Variants in NLRP11 observed in about 807,000 individuals in gnomAD.
NLRP11 encodes the protein NACHT, LRR and PYD domains-containing protein 11.
Under a neutral mutation model 79.3 loss-of-function variants are expected in NLRP11, and 53 were observed. The observed-to-expected ratio is 0.67, with a 90% CI of 0.54 to 0.84. The LOEUF (loss-of-function observed/expected upper bound fraction) is 0.84, where lower values mean the gene tolerates loss of function less well. Ranked by LOEUF, NLRP11 falls within the 40% of genes least tolerant of loss-of-function variation. The pLI, the probability that NLRP11 is intolerant of heterozygous loss-of-function variation, is 0.00. For missense variants in NLRP11, 1,264 were observed against 1,255.0 expected, an observed-to-expected ratio of 1.01 and a Z score of -0.11; for synonymous variants, 518 against 462.6, an observed-to-expected ratio of 1.12 and a Z score of -1.54.
intron 1 of NLRP11, among the ~76,000 whole-genome samples, chr19:55,828,595 C>T (rs192360856): frequency 6.6e-6 from 1 of 152,058 alleles, no homozygotes; most frequent in Admixed American, 6.6e-5. Flanking sequence ...TATGGTATCA[C>T]AAATCCACAC....
At chr19:55,827,328 G>A (rs1982329667) in intron 1 of NLRP11, among the ~76,000 whole-genome samples, 1 of 140,386 alleles carries the variant, frequency 7.1e-6, no homozygotes, top group African/African-American at 2.6e-5. Context: ...GAAAACCTAG[G>A]CATGACCATT....
intron 1 of NLRP11, among the ~76,000 whole-genome samples, chr19:55,830,598 T>TAAAAAAAAAAAAAAAAAA (rs201476127): frequency 1.5e-5 from 2 of 129,202 alleles, no homozygotes; most frequent in African/African-American, 3.0e-5. Context: ...CTTAGCTTCC[T>TAAAAAAAAAAAAAAAAAA]AAAAAAAAAA....
rs1415832467 is a variant in NLRP11 at position 55,809,765 on chromosome 19, C to T, written c.845G>A (p.Gly282Glu). The T allele has an allele frequency of 6.2e-7, 1 of 1,614,140 alleles. No individual in the cohort carries two copies. The highest frequency in any genetic ancestry group is 1.3e-5 in the African/African-American group (1 of 75,048). ...TTTCAAGAACGTTTTTACATTATTC[C>T]CACGTGTGGGCCTTGAGGAGATGAG... is the stretch of plus-strand genomic sequence containing the variant. The change falls in exon 3 of 10, where the codon GGG becomes GAG. Residue 282 changes from glycine to glutamate, a missense_variant. By Grantham distance (98) the Gly-to-Glu change is moderately conservative. Transcript: ENST00000589093. This position sits in a 1 kb window ranked among gnomAD's most constrained non-coding sequence, Gnocchi z 4.5.
chr19:55,789,518 G>C, intron 7 of NLRP11, 119 bp from the exon 8 acceptor site: 1 of 877,314 alleles, frequency 1.1e-6, no homozygotes, highest in African/African-American at 1.7e-5. Context: ...ACTGCTTACA[G>C]AAACAAGAGC....
At position 55,818,136 on chromosome 19, in the gene NLRP11, C is replaced by T. The variant is rs1322017678; in HGVS notation, c.39G>A (p.Trp13Ter). The T allele has an allele frequency of 6.2e-7, 1 of 1,613,834 alleles. No homozygotes were observed. The highest frequency in any genetic ancestry group is 1.6e-4 in the Middle Eastern group (1 of 6,082). The change falls in exon 2 of 10, where the codon TGG (tryptophan) becomes TGA (stop). Residue 13 changes from tryptophan to a stop codon, truncating the protein, a stop_gained. Transcript: ENST00000589093. LOFTEE classifies it high-confidence loss of function. ...CCTTGTCACTGAGATTCTCTAGATA[C>T]CACAGCAGGTCAAAGTCAGTAGAAT... is the stretch of plus-strand genomic sequence containing the variant.
At chr19:55,814,938 ATTG>A (rs1349421924) in intron 2 of NLRP11, among the ~76,000 whole-genome samples, 1 of 152,188 alleles carries the variant, frequency 6.6e-6, no homozygotes, top group Non-Finnish European at 1.5e-5. Flanking sequence ...GTCCCCACGG[ATTG>A]TTATTTTACA....
At chr19:55,796,315 A>T in intron 5 of NLRP11, 65 bp from the exon 6 acceptor site, 2 of 781,822 alleles carry the variant, frequency 2.6e-6, no homozygotes, top group Non-Finnish European at 3.5e-6. Flanking sequence ...TTTTAAATTA[A>T]AAAAAAAAAA....
chr19:55,797,643 G>GGCACTGAGCGAAGACTC (rs1314279027), intron 5 of NLRP11, among the ~76,000 whole-genome samples: 1 of 152,222 alleles, frequency 6.6e-6, no homozygotes, highest in Non-Finnish European at 1.5e-5. Flanking sequence ...TTATGGGGCA[G>GGCACTGAGCGAAGACTC]GCACTGAGCG....
chr19:55,819,913 A>G (rs1418345735), intron 1 of NLRP11, among the ~76,000 whole-genome samples: 1 of 152,196 alleles, frequency 6.6e-6, no homozygotes, highest in African/African-American at 2.4e-5. Context: ...TATACCAGGT[A>G]CTATGTTAGA....
Position 55,809,886 on chromosome 19 carries a change from C to G in NLRP11, c.724G>C (p.Glu242Gln). ...GTGCTGTTACTACACAAAGCACTTT[C>G]ATTGACATTTAACTCGAATCTTATG... Residue 242 changes from glutamate (E) to glutamine (Q), a missense_variant, in exon 3 of 10, where the codon GAA becomes CAA. By Grantham distance (29) the Glu-to-Gln change is conservative. Transcript: ENST00000589093. This position sits in a 1 kb window ranked among gnomAD's most constrained non-coding sequence, Gnocchi z 4.5. The G allele has an allele frequency of 6.2e-7, 1 of 1,614,180 alleles. No individual in the cohort carries two copies. The highest frequency in any genetic ancestry group is 2.2e-5 in the East Asian group (1 of 44,876).
rs16986572 is a variant in NLRP11, at chr19:55,786,583, T to C, written c.2856-712A>G. Among the ~76,000 whole-genome samples the C allele has an allele frequency of 0.011, 1,647 of 152,316 alleles. 45 individuals carry two copies. In the East Asian group the frequency reaches 0.11, roughly 10 times the overall value. ...ACACTTACACCGCAGCCCATGCTCA[T>C]GTTTCTTTCTCCAAATCAAAGAGGA... On this transcript the variant is annotated intron_variant, in intron 9 of 9. Coordinates refer to ENST00000589093, the Ensembl canonical transcript of NLRP11.
chr19:55,795,963 G>C, intron 6 of NLRP11, 117 bp downstream of exon 6: 3 of 890,588 alleles, frequency 3.4e-6, no homozygotes, highest in South Asian at 1.7e-5. Context: ...TCCAAAGACT[G>C]TGCTTTCGGC....
chr19:55,822,741 A>G (rs1458143648), intron 1 of NLRP11, among the ~76,000 whole-genome samples: 1 of 152,056 alleles, frequency 6.6e-6, no homozygotes, highest in Non-Finnish European at 1.5e-5. Flanking sequence ...ACTATATCCC[A>G]CACCTGGCTC....
At chr19:55,791,595 C>A (rs17635546) in intron 7 of NLRP11, among the ~76,000 whole-genome samples, 16,926 of 151,988 alleles carry the variant, frequency 0.11, 1,145 homozygotes, top group Non-Finnish European at 0.16. Flanking sequence ...TATTTCTGAG[C>A]CCAAAAAAAG....
At chr19:55,805,367 C>T (rs1298288248) in intron 4 of NLRP11, among the ~76,000 whole-genome samples, 1 of 151,892 alleles carries the variant, frequency 6.6e-6, no homozygotes. Flanking sequence ...ACGGGAAGCC[C>T]TTTTAATTTA....
At chr19:55,798,716 A>T (rs1385955927) in intron 5 of NLRP11, among the ~76,000 whole-genome samples, 1 of 148,658 alleles carries the variant, frequency 6.7e-6, no homozygotes, top group Non-Finnish European at 1.5e-5. Context: ...ATCAAAAAAT[A>T]AAGCTATGTT....
intron 1 of NLRP11, among the ~76,000 whole-genome samples, chr19:55,821,203 TCTCACACACACACACACACACA>T (rs1396914785): frequency 2.7e-5 from 3 of 113,202 alleles, no homozygotes; most frequent in Non-Finnish European, 5.0e-5. Context: ...TCTCTCTCTC[TCTCACACACACACACACACACA>T]CACACACACA....
intron 2 of NLRP11, among the ~76,000 whole-genome samples, chr19:55,813,292 C>A (rs1254321029): frequency 6.6e-6 from 1 of 152,148 alleles, no homozygotes; most frequent in African/African-American, 2.4e-5. Flanking sequence ...TGCACCACTG[C>A]ACTCCAGCCT....
intron 6 of NLRP11, 111 bp from the exon 7 acceptor site, chr19:55,792,582 C>T (rs1978382182): frequency 1.4e-6 from 1 of 725,636 alleles, no homozygotes; most frequent in Non-Finnish European, 2.3e-6. Context: ...CTGCCATTGC[C>T]CCAAATCTCT....
Sources: allele counts gnomAD v4.1 joint callset (sites outside exome capture counted in the v4.1 genomes callset), GRCh38; gene constraint gnomAD v4.1.1; non-coding constraint Gnocchi (gnomAD v3.1); transcripts MANE v1.5; gene names NCBI Gene and HGNC (gene_info 2026-07-23, HGNC 2026-07-21).